MATN2: variants seen among roughly 807,000 people sequenced by gnomAD.
MATN2 encodes the protein matrilin 2.
A neutral mutation model predicts 103.2 loss-of-function variants in MATN2; 69 were observed. The ratio of observed to expected loss-of-function variants is 0.67; its 90% CI spans 0.55 to 0.82. MATN2 has a LOEUF of 0.82. Among genes scored for constraint, MATN2 ranks in the 40% least tolerant of loss-of-function variants. MATN2 has a pLI of 0.00. For missense variants in MATN2, 1,023 were observed against 1,211.5 expected (o/e 0.84, Z 2.31); for synonymous variants, 429 against 450.2 (o/e 0.95, Z 0.60).
chr8:97,969,796 G>A (rs1423755750), intron 5 of MATN2, among the ~76,000 whole-genome samples: 1 of 152,204 alleles, frequency 6.6e-6, no homozygotes, highest in African/African-American at 2.4e-5. Context: ...TAGGCTTGAG[G>A]AGCACAAAGG....
intron 2 of MATN2, among the ~76,000 whole-genome samples, chr8:97,917,001 G>T (rs1036879848): frequency 5.3e-5 from 8 of 152,026 alleles, no homozygotes; most frequent in African/African-American, 1.9e-4. Context: ...GCCTGAGAGG[G>T]CTGTCTTCCT....
intron 1 of MATN2, among the ~76,000 whole-genome samples, chr8:97,885,967 C>T (rs1818412169): frequency 6.6e-6 from 1 of 152,216 alleles, no homozygotes; most frequent in Non-Finnish European, 1.5e-5. Context: ...TCTGTATTTA[C>T]AGCCGCTCCC....
intron 12 of MATN2, chr8:98,020,952 C>T: frequency 3.1e-6 from 1 of 323,520 alleles, no homozygotes; most frequent in East Asian, 6.7e-5. Flanking sequence ...TAAAGCACAT[C>T]TAATAATAGG....
intron 2 of MATN2, among the ~76,000 whole-genome samples, chr8:97,890,284 G>A (rs556738878): frequency 6.6e-6 from 1 of 152,270 alleles, no homozygotes; most frequent in East Asian, 1.9e-4. Flanking sequence ...GACCAACATG[G>A]TGAAACCCTG....
Position 97,916,448 on chromosome 8 carries a change from T to G in MATN2, c.143-14505T>G, listed in dbSNP as rs192040515. Among the ~76,000 whole-genome samples the G allele has an allele frequency of 1.6e-3, 245 of 152,292 alleles. 1 individual carries two copies. Among genetic ancestry groups the G allele is most frequent in the African/African-American group, 5.6e-3 (231 of 41,564 alleles). On this transcript the variant is annotated intron_variant, in intron 2 of 18. Coordinates refer to ENST00000254898, the MANE Select transcript of MATN2 (RefSeq NM_002380.5). ...GGTTTGTTATGTAGGTAAACTCAGG[T>G]GTCACAGGGGCTGGTTGTACAGATT...
In MATN2 at chr8:97,961,415, T is replaced by A. The variant is rs771758326; in HGVS notation, c.843T>A (p.Asp281Glu). 5.0e-6 allele frequency: 8 copies of A among 1,612,866 alleles called. No homozygotes were observed. The highest frequency in any genetic ancestry group is 1.7e-5 in the Admixed American group (1 of 59,902). The part of the protein sequence containing the change: ...NSDQTTCRIQ[D>E]LCAMEDHNCE... The stretch of plus-strand genomic sequence containing the variant: ...ATCGTGACTTTGCCTCAGTCCAGGA[T>A]CTGTGTGCCATGGAGGACCACAACT... Residue 281 changes from aspartate (D) to glutamate (E), a missense_variant, in exon 5 of 19, where the codon GAT becomes GAA. Transcript: ENST00000254898.
intron 2 of MATN2, among the ~76,000 whole-genome samples, chr8:97,911,698 T>G (rs541085736): frequency 3.6e-4 from 55 of 151,850 alleles, no homozygotes; most frequent in African/African-American, 1.3e-3. Context: ...AGAGTGAGAC[T>G]CTGTCTCAAA....
intron 5 of MATN2, among the ~76,000 whole-genome samples, chr8:97,977,120 C>T (rs2512045): frequency 0.53 from 80,222 of 150,950 alleles, 23,441 homozygotes; most frequent in Middle Eastern, 0.7. Flanking sequence ...CCTGTAGTCC[C>T]AGCTACTTGG....
At chr8:97,919,363 G>A (rs780908380) in intron 2 of MATN2, among the ~76,000 whole-genome samples, 2 of 152,164 alleles carry the variant, frequency 1.3e-5, no homozygotes, top group Non-Finnish European at 2.9e-5. Flanking sequence ...CTCCCGAGTA[G>A]CTGGGATTAC....
intron 2 of MATN2, among the ~76,000 whole-genome samples, chr8:97,912,285 C>T (rs554631943): frequency 6.6e-6 from 1 of 152,286 alleles, no homozygotes; most frequent in East Asian, 1.9e-4. Context: ...ACAAGAAAGA[C>T]TATTTGCAGA....
chr8:98,035,795 T>C lies in MATN2; in HGVS notation c.*83T>C, dbSNP rs1814226379. ...TGCAGAGCCCCAAAGCTCAGGCTAT[T>C]GTTAAATCAATAATGTTGTGAAGTA... is the stretch of plus-strand genomic sequence containing the variant. On this transcript the variant is annotated 3_prime_UTR_variant, in exon 19 of 19. Coordinates refer to ENST00000254898, the MANE Select transcript of MATN2 (RefSeq NM_002380.5). The C allele has an allele frequency of 1.2e-6, 1 of 801,640 alleles. No homozygotes were observed. Among genetic ancestry groups the C allele is most frequent in the Non-Finnish European group, 1.9e-6 (1 of 518,552 alleles). 49.7% of individuals were successfully genotyped at this position (801,640 alleles called of 1,614,324 possible).
intron 1 of MATN2, among the ~76,000 whole-genome samples, chr8:97,877,387 G>C (rs1818112921): frequency 6.6e-6 from 1 of 151,882 alleles, no homozygotes; most frequent in Admixed American, 6.6e-5. Flanking sequence ...TGAGGCAGGA[G>C]AATTGCTTGA....
At chr8:98,015,922 A>G (rs1813343119) in intron 10 of MATN2, among the ~76,000 whole-genome samples, 1 of 152,192 alleles carries the variant, frequency 6.6e-6, no homozygotes, top group Non-Finnish European at 1.5e-5. Flanking sequence ...CCTAAGTGTA[A>G]TATATACATA....
At chr8:97,989,853 C>T (rs1035411220) in intron 6 of MATN2, among the ~76,000 whole-genome samples, 3 of 151,200 alleles carry the variant, frequency 2.0e-5, no homozygotes, top group Non-Finnish European at 4.4e-5. Context: ...GTTTTATGTA[C>T]TTACAATGGA....
At chr8:97,947,051 T>C (rs982581949) in intron 4 of MATN2, among the ~76,000 whole-genome samples, 26 of 152,114 alleles carry the variant, frequency 1.7e-4, no homozygotes, top group African/African-American at 6.0e-4. Context: ...GCAAGTTTGG[T>C]TTAACATTCA....
rs554029784 is a variant in MATN2 at position 98,007,600 on chromosome 8, A to G, written c.1572A>G (p.Ala524=). The part of the protein sequence containing the change: ...HVLRSDGKTC[A]KLDSCALGDH... ...TCCGCAGCGATGGGAAGACGTGTGC[A>G]AGTAAGTGTCTGAAGGACAAGCAGG... The change falls in exon 10 of 19, where the codon GCA becomes GCG. Residue 524 remains alanine (A), a splice_region_variant and synonymous_variant. Coordinates refer to ENST00000254898, the MANE Select transcript of MATN2 (RefSeq NM_002380.5). This position sits in a 1 kb window ranked among gnomAD's most constrained non-coding sequence, Gnocchi z 4.2. The G allele has an allele frequency of 1.2e-6, 2 of 1,609,080 alleles. No homozygotes were observed. Among genetic ancestry groups the G allele is most frequent in the Admixed American group, 1.7e-5 (1 of 59,932 alleles).
At chr8:97,869,870 G>T (rs1431125910) in intron 1 of MATN2, among the ~76,000 whole-genome samples, 1 of 152,270 alleles carries the variant, frequency 6.6e-6, no homozygotes, top group Admixed American at 6.5e-5. Context: ...AGAGGACAGA[G>T]AAATGGGGAC....
At chr8:97,902,177 TG>T (rs1819004582) in intron 2 of MATN2, among the ~76,000 whole-genome samples, 1 of 145,606 alleles carries the variant, frequency 6.9e-6, no homozygotes, top group Non-Finnish European at 1.5e-5. Flanking sequence ...GACATGTATT[TG>T]TTTTTTTTTT....
At chr8:97,911,026 T>C (rs1346100650) in intron 2 of MATN2, among the ~76,000 whole-genome samples, 1 of 152,206 alleles carries the variant, frequency 6.6e-6, no homozygotes, top group East Asian at 1.9e-4. Flanking sequence ...TCTAGCTCTC[T>C]TGCCCATGCT....
Sources: gnomAD v4.1 joint callset for allele counts (sites outside exome capture counted in the v4.1 genomes callset) on GRCh38, gnomAD v4.1.1 for gene constraint, Gnocchi (gnomAD v3.1) non-coding constraint, MANE v1.5 for transcripts, NCBI Gene and HGNC (gene_info 2026-07-23, HGNC 2026-07-21) for gene names.